Variants in RABGAP1L observed in about 807,000 individuals in gnomAD.
The protein encoded by RABGAP1L is RAB GTPase activating protein 1 like.
A neutral mutation model predicts 137.7 loss-of-function variants in RABGAP1L; 63 were observed. That is an observed-to-expected ratio of 0.46 (90% CI 0.37 to 0.56). The LOEUF (loss-of-function observed/expected upper bound fraction) is 0.56. Ranked by LOEUF, RABGAP1L falls within the 20% of genes least tolerant of loss-of-function variation. The probability of loss-of-function intolerance (pLI) is 0.00; values close to 1 mark genes in which losing one functional copy is unlikely to be tolerated. For missense variants in RABGAP1L, 1,095 were observed against 1,244.0 expected, an observed-to-expected ratio of 0.88 and a Z score of 1.80; for synonymous variants, 431 against 433.7, an observed-to-expected ratio of 0.99 and a Z score of 0.08.
chr1:174,958,085 C>G, intron 20 of RABGAP1L: 4 of 1,518,456 alleles, frequency 2.6e-6, no homozygotes, highest in Non-Finnish European at 3.5e-6. Flanking sequence ...TGTTCCAAGA[C>G]TGACACAAGG....
intron 15 of RABGAP1L, among the ~76,000 whole-genome samples, chr1:174,685,451 C>T (rs2148484787): frequency 6.6e-6 from 1 of 152,160 alleles, no homozygotes; most frequent in East Asian, 1.9e-4. Context: ...GATGGGGTTT[C>T]ACCATGTTAG....
At chr1:174,862,024 G>A (rs1211077391) in intron 19 of RABGAP1L, among the ~76,000 whole-genome samples, 1 of 152,148 alleles carries the variant, frequency 6.6e-6, no homozygotes, top group African/African-American at 2.4e-5. Flanking sequence ...GCCAAAATGA[G>A]TGTAAAGGAG....
chr1:174,586,960 C>T (rs1296801798), intron 13 of RABGAP1L, among the ~76,000 whole-genome samples: 1 of 151,920 alleles, frequency 6.6e-6, no homozygotes, highest in Non-Finnish European at 1.5e-5. Flanking sequence ...CATGTGTTCT[C>T]ATTGTTCAAT....
intron 11 of RABGAP1L, among the ~76,000 whole-genome samples, chr1:174,332,122 A>G (rs1681085181): frequency 6.6e-6 from 1 of 152,180 alleles, no homozygotes; most frequent in Non-Finnish European, 1.5e-5. Flanking sequence ...TTCATTATAT[A>G]GGTGTGACAG....
chr1:174,951,383 C>T (rs1386883051), intron 19 of RABGAP1L, among the ~76,000 whole-genome samples: 1 of 152,194 alleles, frequency 6.6e-6, no homozygotes, highest in East Asian at 1.9e-4. Flanking sequence ...CCAAATAATA[C>T]TTCCCTCATG....
chr1:174,508,854 A>G (rs754770841), intron 13 of RABGAP1L, among the ~76,000 whole-genome samples: 1 of 152,110 alleles, frequency 6.6e-6, no homozygotes, highest in African/African-American at 2.4e-5. Context: ...AACAATGCCT[A>G]TTTTATTGTT....
chr1:174,293,174 C>T (rs1351181303), intron 10 of RABGAP1L, among the ~76,000 whole-genome samples: 1 of 150,686 alleles, frequency 6.6e-6, no homozygotes, highest in Non-Finnish European at 1.5e-5. Flanking sequence ...TATTCTTCTT[C>T]AATTTGGTTT....
At chr1:174,551,624 G>A (rs747612952) in intron 13 of RABGAP1L, among the ~76,000 whole-genome samples, 1 of 151,858 alleles carries the variant, frequency 6.6e-6, no homozygotes, top group African/African-American at 2.4e-5. Context: ...TTCTATGTAA[G>A]AGACTAGAAA....
At chr1:174,471,927 G>C (rs1657991162) in intron 13 of RABGAP1L, among the ~76,000 whole-genome samples, 1 of 152,134 alleles carries the variant, frequency 6.6e-6, no homozygotes, top group Non-Finnish European at 1.5e-5. Flanking sequence ...TAATTGGATA[G>C]GGCTGATTCC....
At chr1:174,500,173 G>A (rs920190469) in intron 13 of RABGAP1L, among the ~76,000 whole-genome samples, 4 of 151,134 alleles carry the variant, frequency 2.6e-5, no homozygotes, top group Non-Finnish European at 5.9e-5. Context: ...TCCGCCTCCC[G>A]GGTTCAAGCG....
intron 7 of RABGAP1L, among the ~76,000 whole-genome samples, chr1:174,268,065 G>C (rs1465417585): frequency 2.6e-5 from 4 of 152,202 alleles, no homozygotes; most frequent in African/African-American, 9.6e-5. Context: ...CCTTTGGGGA[G>C]ACTGACTGAG....
chr1:174,312,702 C>T (rs1238914301), intron 11 of RABGAP1L, among the ~76,000 whole-genome samples: 2 of 152,134 alleles, frequency 1.3e-5, no homozygotes, highest in African/African-American at 4.8e-5. Flanking sequence ...AGATTTTCCC[C>T]AGTGTTTCTT....
At chr1:174,256,345 G>A (rs938637220) in intron 7 of RABGAP1L, among the ~76,000 whole-genome samples, 2 of 152,010 alleles carry the variant, frequency 1.3e-5, no homozygotes, top group Non-Finnish European at 1.5e-5. Context: ...GGAGGCAGAT[G>A]GCTATCACAG....
At chr1:174,429,746 A>AAAAATAAAAAT (rs537553649) in intron 13 of RABGAP1L, among the ~76,000 whole-genome samples, 3,192 of 151,212 alleles carry the variant, frequency 0.021, 129 homozygotes, top group African/African-American at 0.07. Flanking sequence ...TCTCAAAAAA[A>AAAAATAAAAAT]AAAAATAAAA....
chr1:174,928,306 T>A (rs895133833), intron 19 of RABGAP1L, among the ~76,000 whole-genome samples: 1 of 152,094 alleles, frequency 6.6e-6, no homozygotes, highest in Non-Finnish European at 1.5e-5. Context: ...CATCCTCCTA[T>A]GCCATACAAA....
chr1:174,170,671 C>CAA (rs35800051), intron 1 of RABGAP1L, among the ~76,000 whole-genome samples: 1,120 of 85,168 alleles, frequency 0.013, 32 homozygotes, highest in African/African-American at 0.034. Flanking sequence ...GACGCTGTTT[C>CAA]AAAAAAAAAA....
At position 174,242,018 on chromosome 1, in the gene RABGAP1L, C is replaced by T. The variant is rs182665814; in HGVS notation, c.717+361C>T. ...ATTTTAAAAAGTGCCTATAACGATACCTGTTTCTCTGATGGGCTTGATAGT... is the reference window on the plus strand; with the variant it reads ...ATTTTAAAAAGTGCCTATAACGATATCTGTTTCTCTGATGGGCTTGATAGT... On this transcript the variant is annotated intron_variant, in intron 5 of 25. Coordinates refer to ENST00000681986, the MANE Select transcript of RABGAP1L (RefSeq NM_001366446.1). Among the ~76,000 whole-genome samples the T allele has an allele frequency of 3.4e-4, 52 of 152,274 alleles. 1 individual carries two copies. Among genetic ancestry groups the T allele is most frequent in the Admixed American group, 3.4e-3 (52 of 15,292 alleles).
chr1:174,708,418 A>G (rs1680214486), intron 17 of RABGAP1L, among the ~76,000 whole-genome samples: 1 of 152,172 alleles, frequency 6.6e-6, no homozygotes, highest in African/African-American at 2.4e-5. Context: ...AGGGTGGGTG[A>G]TTTCTGCATT....
At chr1:174,610,238 A>G (rs994971065) in intron 13 of RABGAP1L, among the ~76,000 whole-genome samples, 1 of 122,058 alleles carries the variant, frequency 8.2e-6, no homozygotes, top group African/African-American at 3.2e-5. Context: ...CCAGAGTGTG[A>G]TGTTCCCCTT....
Sources: allele counts gnomAD v4.1 joint callset (sites outside exome capture counted in the v4.1 genomes callset), GRCh38; gene constraint gnomAD v4.1.1; transcripts MANE v1.5; gene names NCBI Gene and HGNC (gene_info 2026-07-23, HGNC 2026-07-21).